Variants in PDE1A observed in about 807,000 individuals in gnomAD.
PDE1A encodes dual specificity calcium/calmodulin-dependent 3',5'-cyclic nucleotide phosphodiesterase 1A.
In PDE1A, 35 loss-of-function variants were observed where a neutral mutation model predicts 61.7. The ratio of observed to expected loss-of-function variants is 0.57; its 90% CI spans 0.43 to 0.75. The LOEUF is 0.75. PDE1A is among the 30% of genes least tolerant of loss of function. The pLI, the probability that PDE1A is intolerant of heterozygous loss-of-function variation, is 0.00. For missense variants in PDE1A, 597 were observed against 630.6 expected, an observed-to-expected ratio of 0.95 and a Z score of 0.57; for synonymous variants, 232 against 213.2, an observed-to-expected ratio of 1.09 and a Z score of -0.77.
At chr2:182,695,666 C>T in the PDE1A span, among the ~76,000 whole-genome samples, 1 of 32,894 alleles carries the variant, frequency 3.0e-5, no homozygotes, top group Non-Finnish European at 6.0e-5. Flanking sequence ...GGCCCTCTCT[C>T]AAAAAAAAAA....
chr2:182,360,121 C>T (rs1299450951), intron 1 of PDE1A, among the ~76,000 whole-genome samples: 1 of 152,084 alleles, frequency 6.6e-6, no homozygotes, highest in Non-Finnish European at 1.5e-5. Flanking sequence ...ACTCCAGACA[C>T]AGACTTTGAC....
intron 13 of PDE1A, among the ~76,000 whole-genome samples, chr2:182,157,018 T>A (rs146344336): frequency 0.015 from 2,179 of 145,830 alleles, 32 homozygotes; most frequent in South Asian, 0.056. Flanking sequence ...TATTTTATTT[T>A]ATTTTTTTTT....
chr2:182,705,777 G>A, the PDE1A span, among the ~76,000 whole-genome samples: 1 of 152,166 alleles, frequency 6.6e-6, no homozygotes, highest in Non-Finnish European at 1.5e-5. Context: ...GCCTCCCAAA[G>A]TGTTGGGACT....
chr2:182,466,291 A>T (rs1686655993), intron 2 of PDE1A, among the ~76,000 whole-genome samples: 1 of 152,056 alleles, frequency 6.6e-6, no homozygotes, highest in Non-Finnish European at 1.5e-5. Context: ...CCTTCCCAGG[A>T]ACCTAAAAGG....
At chr2:182,704,484 G>T in the PDE1A span, among the ~76,000 whole-genome samples, 1 of 152,118 alleles carries the variant, frequency 6.6e-6, no homozygotes, top group Non-Finnish European at 1.5e-5. Flanking sequence ...CTAAATATAC[G>T]ATTCTTGGGA....
At chr2:182,679,497 G>C in the PDE1A span, among the ~76,000 whole-genome samples, 1,804 of 151,422 alleles carry the variant, frequency 0.012, 19 homozygotes, top group South Asian at 0.05. Context: ...CACCGCACCG[G>C]GCTCTAATTA....
chr2:182,146,722 G>A (rs1258678801), downstream of PDE1A, among the ~76,000 whole-genome samples: 3 of 152,126 alleles, frequency 2.0e-5, no homozygotes, highest in Non-Finnish European at 4.4e-5. Flanking sequence ...CTGACCTTGT[G>A]ATTTGCCCGC....
the PDE1A span, among the ~76,000 whole-genome samples, chr2:182,688,414 T>C: frequency 6.6e-6 from 1 of 152,154 alleles, no homozygotes; most frequent in Non-Finnish European, 1.5e-5. Flanking sequence ...CAGAAGTTCA[T>C]ATCCAGCCAA....
At chr2:182,342,716 A>C (rs1574403379) in intron 1 of PDE1A, among the ~76,000 whole-genome samples, 1 of 152,196 alleles carries the variant, frequency 6.6e-6, no homozygotes, top group East Asian at 1.9e-4. Flanking sequence ...CACACAAAAA[A>C]ACTAAGTTAA....
chr2:182,572,487 A>G, the PDE1A span, among the ~76,000 whole-genome samples: 1 of 152,230 alleles, frequency 6.6e-6, no homozygotes, highest in African/African-American at 2.4e-5. Flanking sequence ...AAGTATGACA[A>G]TAATTACTAT....
At chr2:182,648,502 C>T in the PDE1A span, among the ~76,000 whole-genome samples, 1 of 103,028 alleles carries the variant, frequency 9.7e-6, no homozygotes, top group Non-Finnish European at 1.9e-5. Context: ...AAGCAAGACC[C>T]TGTCCCCACA....
In PDE1A at chr2:182,433,194, G is replaced by C. The variant is rs529910937; in HGVS notation, c.101+89082C>G. ...CCCACACAGGCACTGAGGAAGACTT[G>C]GGATTGGCCACACCATACCACCATT... On this transcript the variant is annotated intron_variant, in intron 2 of 14. Transcript: ENST00000410103. Among the ~76,000 whole-genome samples the C allele has an allele frequency of 9.9e-5, 15 of 152,076 alleles. No homozygotes were observed. The South Asian group carries it at 3.1e-3, about 32-fold the overall frequency.
downstream of PDE1A, among the ~76,000 whole-genome samples, chr2:182,164,653 A>G (rs1428953157): frequency 2.0e-5 from 3 of 152,112 alleles, no homozygotes; most frequent in Non-Finnish European, 4.4e-5. Context: ...GGGCTCAGCA[A>G]CATGGGCTTC....
rs1180851799 is a variant in PDE1A at position 182,188,972 on chromosome 2, G to A, written c.1207+7C>T. Reference sequence around the variant, plus strand: ...CACTTTCCACCACCACAAATCATCAGAATTACCTATTTGTGACTGGGCCAC... The same window carrying A: ...CACTTTCCACCACCACAAATCATCAAAATTACCTATTTGTGACTGGGCCAC... On this transcript the variant is annotated splice_region_variant and intron_variant, in intron 11 of 13. Coordinates refer to ENST00000351439, the Ensembl canonical transcript of PDE1A. The A allele has an allele frequency of 2.5e-6, 4 of 1,592,500 alleles. No individual in the cohort carries two copies. The highest frequency in any genetic ancestry group is 3.3e-5 in the Admixed American group (2 of 59,766).
At chr2:182,150,049 G>A (rs1690695370) in intron 13 of PDE1A, among the ~76,000 whole-genome samples, 1 of 152,104 alleles carries the variant, frequency 6.6e-6, no homozygotes, top group Non-Finnish European at 1.5e-5. Context: ...TACCTATGTA[G>A]TTTTGAAATA....
intron 2 of PDE1A, among the ~76,000 whole-genome samples, chr2:182,462,330 A>C (rs1004644817): frequency 1.4e-5 from 2 of 147,802 alleles, no homozygotes; most frequent in Non-Finnish European, 2.9e-5. Flanking sequence ...CATATAAAAA[A>C]GTATATATAT....
intron 7 of PDE1A, among the ~76,000 whole-genome samples, chr2:182,217,819 T>A (rs1446228473): frequency 6.6e-6 from 1 of 151,434 alleles, no homozygotes; most frequent in Non-Finnish European, 1.5e-5. Flanking sequence ...ACACTGTTGG[T>A]GGGACTGTAA....
the PDE1A span, among the ~76,000 whole-genome samples, chr2:182,556,979 T>A: frequency 1.3e-5 from 2 of 152,326 alleles, no homozygotes; most frequent in African/African-American, 2.4e-5. Context: ...AGTATTATCA[T>A]CCTGGAGAGA....
intron 1 of PDE1A, among the ~76,000 whole-genome samples, chr2:182,410,275 G>A (rs545205879): frequency 6.6e-6 from 1 of 152,148 alleles, no homozygotes; most frequent in African/African-American, 2.4e-5. Flanking sequence ...GCTGAGGCAC[G>A]AGGATCACTT....
Sources: allele counts gnomAD v4.1 joint callset (sites outside exome capture counted in the v4.1 genomes callset), GRCh38; gene constraint gnomAD v4.1.1; transcripts MANE v1.5; gene names NCBI Gene and HGNC (gene_info 2026-07-23, HGNC 2026-07-21).